The following MYO7B variants were observed in gnomAD, a reference collection of about 807,000 sequenced individuals.
The protein encoded by MYO7B is unconventional myosin-VIIb.
In MYO7B, 212 loss-of-function variants were observed where a neutral mutation model predicts 259.7. The observed-to-expected ratio is 0.82, with a 90% confidence interval of 0.73 to 0.91. MYO7B has a LOEUF of 0.91. MYO7B is among the 40% of genes least tolerant of loss of function. The pLI is 0.00. For synonymous variants in MYO7B, 1,197 were observed against 1,166.4 expected (o/e 1.03, Z -0.54); for missense variants, 2,732 against 2,813.5 (o/e 0.97, Z 0.66).
At chr2:127,536,318 A>G (rs1423429040) in intron 1 of MYO7B, among the ~76,000 whole-genome samples, 1 of 152,172 alleles carries the variant, frequency 6.6e-6, no homozygotes, top group Admixed American at 6.5e-5. Context: ...AGGACCATGG[A>G]AGCGAAGGTG....
At chr2:127,581,302 CTTAA>C (rs1044018498) in intron 10 of MYO7B, among the ~76,000 whole-genome samples, 128 of 152,308 alleles carry the variant, frequency 8.4e-4, no homozygotes, top group African/African-American at 2.9e-3. Context: ...GCAGCCTTGG[CTTAA>C]AGGAAGGGCT....
At chr2:127,568,810 T>C (rs1425000096) in intron 5 of MYO7B, among the ~76,000 whole-genome samples, 1 of 151,890 alleles carries the variant, frequency 6.6e-6, no homozygotes. Context: ...GGCAGGAGAA[T>C]TGCTGGAACT....
intron 39 of MYO7B, among the ~76,000 whole-genome samples, 159 bp from the exon 40 acceptor site, chr2:127,633,099 G>A (rs995428652): frequency 2.6e-5 from 4 of 152,196 alleles, no homozygotes; most frequent in Non-Finnish European, 5.9e-5. Flanking sequence ...TGGAGCCAGG[G>A]GCAGCCCCCA....
chr2:127,570,397 G>T (rs1374212539), intron 6 of MYO7B, among the ~76,000 whole-genome samples: 2 of 152,202 alleles, frequency 1.3e-5, no homozygotes, highest in Non-Finnish European at 2.9e-5. Flanking sequence ...CTTGGGTCGG[G>T]AGAGGCTCAC....
In MYO7B at chr2:127,636,160, G is replaced by GCCCA. The variant is rs756778633; in HGVS notation, c.6007-48_6007-47insCCCA. ...CAGGTGCTGCCCCCACCAGGGCTTTGGAGGGCCTCTGGGCACCCAAGTCCT... is the reference window on the plus strand; with the variant it reads ...CAGGTGCTGCCCCCACCAGGGCTTTGCCCAGAGGGCCTCTGGGCACCCAAGTCCT... On this transcript the variant is annotated intron_variant, in intron 44 of 47. Coordinates refer to ENST00000409816, the MANE Select transcript of MYO7B (RefSeq NM_001393586.1). This position sits in a 1 kb window ranked among gnomAD's most constrained non-coding sequence, Gnocchi z 4.5. 2 of 1,495,240 alleles carry GCCCA rather than the reference G, an allele frequency of 1.3e-6. No individual in the cohort carries two copies. The highest frequency in any genetic ancestry group is 2.3e-5 in the South Asian group (2 of 86,464). 92.6% of individuals were successfully genotyped at this position (1,495,240 alleles called of 1,614,324 possible).
In MYO7B at chr2:127,539,493, C is replaced by T. The variant is rs1029213548; in HGVS notation, c.-24+3662C>T. Among the ~76,000 whole-genome samples the T allele has an allele frequency of 1.3e-5, 2 of 152,050 alleles. No individual in the cohort carries two copies. The highest frequency in any genetic ancestry group is 2.4e-5 in the African/African-American group (1 of 41,418). ...ATGAAGGGGATAAAAAGGGAGAAAACGACATTGGCTATAACAGGAAATTCA... is the reference window on the plus strand; with the variant it reads ...ATGAAGGGGATAAAAAGGGAGAAAATGACATTGGCTATAACAGGAAATTCA... On this transcript the variant is annotated intron_variant, in intron 1 of 47. Coordinates refer to ENST00000409816, the MANE Select transcript of MYO7B (RefSeq NM_001393586.1). This position sits in a 1 kb window ranked among gnomAD's most constrained non-coding sequence, Gnocchi z 4.0.
rs368713411 is a variant in MYO7B at position 127,627,031 on chromosome 2, C to A, written c.4272C>A (p.Asp1424Glu). ...TGGCCGTGCGAGAGCAGGTGGTGGA[C>A]GCCGCCCGCCTGCAGTGGCCGCTGC... The part of the protein sequence containing the change: ...TPLAVREQVV[D>E]AARLQWPLLF... The change falls in exon 32 of 48, where the codon GAC (aspartate) becomes GAA (glutamate). Residue 1424 changes from aspartate to glutamate, a missense_variant. Coordinates refer to ENST00000409816, the MANE Select transcript of MYO7B (RefSeq NM_001393586.1). The surrounding 1 kb of genome is among the most constrained non-coding windows in gnomAD (Gnocchi z 5.6). 6.2e-7 allele frequency: 1 copy of A among 1,610,292 alleles called. No homozygotes were observed. Among genetic ancestry groups the A allele is most frequent in the Non-Finnish European group, 8.5e-7 (1 of 1,179,004 alleles).
At chr2:127,598,023 ATCTGGGCTGT>A (rs1360112025) in intron 19 of MYO7B, among the ~76,000 whole-genome samples, 5 of 152,198 alleles carry the variant, frequency 3.3e-5, no homozygotes, top group African/African-American at 1.2e-4. Context: ...GTAGAAGGAC[ATCTGGGCTGT>A]TTCCAGTTTT....
chr2:127,592,823 G>T lies in MYO7B; in HGVS notation c.2022G>T (p.Gln674His). Reference sequence around the variant, plus strand: ...TCGACCGGGAGCTGTGCCTGCGGCAGCTGCGATACTCGGGCATGATGGAGA... The same window carrying T: ...TCGACCGGGAGCTGTGCCTGCGGCATCTGCGATACTCGGGCATGATGGAGA... Reference protein sequence around the residue: ...LLFDRELCLRQLRYSGMMETV... With the variant: ...LLFDRELCLRHLRYSGMMETV... Residue 674 changes from glutamine (Q) to histidine (H), a missense_variant, in exon 17 of 48, where the codon CAG (glutamine) becomes CAT (histidine). Physicochemically the swap from Gln to His is conservative, Grantham distance 24 (BLOSUM62 0). Coordinates refer to ENST00000409816, the MANE Select transcript of MYO7B (RefSeq NM_001393586.1). The T allele has an allele frequency of 6.2e-7, 1 of 1,610,122 alleles. No homozygotes were observed.
rs1011669162 is a variant in MYO7B, at chr2:127,575,566, T to TA, written c.736-1020dup. On this transcript the variant is annotated intron_variant, in intron 7 of 47. Coordinates refer to ENST00000409816, the MANE Select transcript of MYO7B (RefSeq NM_001393586.1). ...AGCAGAACCACAAATATGTTTTGTG[T>TA]AAAAAAAAAGAAACAAAGAAAAGAA... 2.1e-4 allele frequency among the ~76,000 whole-genome samples: 31 copies of TA among 147,846 alleles called. No individual in the cohort carries two copies. In the South Asian group the frequency reaches 5.2e-3, roughly 25 times the overall value.
At position 127,627,023 on chromosome 2, in the gene MYO7B, G is replaced by T; in HGVS notation, c.4264G>T (p.Val1422Leu). The T allele has an allele frequency of 7.4e-6, 12 of 1,611,356 alleles. No individual in the cohort carries two copies. Among genetic ancestry groups the T allele is most frequent in the Non-Finnish European group, 1.0e-5 (12 of 1,179,318 alleles). The change falls in exon 32 of 48, where the codon GTG (valine) becomes TTG (leucine). Residue 1422 changes from valine (V) to leucine (L), a missense_variant. Val to Leu is a conservative substitution (Grantham distance 32). Around this residue, in one of 3 missense-constraint regions of MYO7B, gnomAD observed 1,906 missense variants for 2,026.4 expected, o/e 0.94. Transcript: ENST00000409816. This position sits in a 1 kb window ranked among gnomAD's most constrained non-coding sequence, Gnocchi z 5.6. Reference protein sequence around the residue: ...QVTPLAVREQVVDAARLQWPL... With the variant: ...QVTPLAVREQLVDAARLQWPL... ...CACACCACTGGCCGTGCGAGAGCAG[G>T]TGGTGGACGCCGCCCGCCTGCAGTG...
At chr2:127,623,083 C>A in intron 28 of MYO7B, 119 bp from the exon 29 acceptor site, 1 of 1,260,180 alleles carries the variant, frequency 7.9e-7, no homozygotes, top group Non-Finnish European at 1.1e-6. Context: ...CCCCTGGGAA[C>A]CCACGGGATG....
intron 1 of MYO7B, among the ~76,000 whole-genome samples, chr2:127,536,694 G>A (rs1692795467): frequency 6.6e-6 from 1 of 152,174 alleles, no homozygotes; most frequent in Admixed American, 6.5e-5. Flanking sequence ...TCCCCTTCAG[G>A]CTCCACTTTG....
chr2:127,631,040 C>T, intron 36 of MYO7B, 132 bp downstream of exon 36: 2 of 1,370,460 alleles, frequency 1.5e-6, no homozygotes, highest in South Asian at 2.9e-5. Flanking sequence ...CCACGCCACC[C>T]ATGTGGAGCC....
intron 1 of MYO7B, among the ~76,000 whole-genome samples, chr2:127,538,129 G>C (rs1692861534): frequency 6.6e-6 from 1 of 152,164 alleles, no homozygotes. Context: ...AGGCTGTGAG[G>C]GGAGGATGGT....
chr2:127,636,208 A>T lies in MYO7B; in HGVS notation c.6007A>T (p.Ser2003Cys), dbSNP rs1252605667. The T allele has an allele frequency of 1.3e-5, 21 of 1,610,360 alleles. No individual in the cohort carries two copies. Among genetic ancestry groups the T allele is most frequent in the Non-Finnish European group, 1.6e-5 (19 of 1,177,544 alleles). ...RLMSSEEWKKSILLAYDKHKD... is the reference protein window; with the variant it reads ...RLMSSEEWKKCILLAYDKHKD... ...CCTTACTGGCCCTCCTGTCCCCCAG[A>T]GCATCCTTCTAGCCTATGACAAGCA... Residue 2003 changes from serine (S) to cysteine (C), a missense_variant and splice_region_variant, in exon 45 of 48, where the codon AGC becomes TGC. Ser to Cys is a moderately radical substitution (Grantham distance 112). Around this residue, in one of 3 missense-constraint regions of MYO7B, gnomAD observed 821 missense variants for 769.3 expected, o/e 1.07. Coordinates refer to ENST00000409816, the MANE Select transcript of MYO7B (RefSeq NM_001393586.1). This position sits in a 1 kb window ranked among gnomAD's most constrained non-coding sequence, Gnocchi z 4.5.
intron 19 of MYO7B, among the ~76,000 whole-genome samples, chr2:127,596,784 G>C (rs1385983178): frequency 1.3e-5 from 2 of 152,256 alleles, no homozygotes; most frequent in Non-Finnish European, 1.5e-5. Flanking sequence ...ATATGCAAGA[G>C]ATGGGAGCCG....
chr2:127,564,158 C>T lies in MYO7B; in HGVS notation c.24C>T (p.Asp8=), dbSNP rs757691115. Residue 8 remains aspartate (D), a synonymous_variant, in exon 3 of 48, where the codon GAC becomes GAT. Coordinates refer to ENST00000409816, the MANE Select transcript of MYO7B (RefSeq NM_001393586.1). MSGFRLG[D]HVWLEPPSTH... ...GTCTTCTGTCTGCCCTCCAGGGTGACCACGTGTGGCTGGAGCCTCCCTCCA... is the reference window on the plus strand; with the variant it reads ...GTCTTCTGTCTGCCCTCCAGGGTGATCACGTGTGGCTGGAGCCTCCCTCCA... 22 of 1,561,546 alleles carry T rather than the reference C, an allele frequency of 1.4e-5. No individual in the cohort carries two copies. The highest frequency in any genetic ancestry group is 1.8e-5 in the Non-Finnish European group (21 of 1,152,608).
At chr2:127,633,501 C>T (rs556361269) in intron 40 of MYO7B, 138 bp downstream of exon 40, 2 of 821,198 alleles carry the variant, frequency 2.4e-6, no homozygotes, top group East Asian at 2.7e-5. Context: ...CAGTCTCCCG[C>T]CCTCTCCCCA....
Sources: gnomAD v4.1 joint callset for allele counts (sites outside exome capture counted in the v4.1 genomes callset) on GRCh38, gnomAD v4.1.1 for gene constraint, gnomAD v4.1.1 regional missense constraint, Gnocchi (gnomAD v3.1) non-coding constraint, MANE v1.5 for transcripts, NCBI Gene and HGNC (gene_info 2026-07-23, HGNC 2026-07-21) for gene names.